RALYL: variants seen among roughly 807,000 people sequenced by gnomAD.
RALYL encodes the protein RNA-binding Raly-like protein.
In RALYL, 29 loss-of-function variants were observed where a neutral mutation model predicts 35.1. The observed-to-expected ratio is 0.83, with a 90% CI of 0.61 to 1.13. The LOEUF is 1.13. Ranked by LOEUF, RALYL falls within the 50% of genes most tolerant of loss-of-function variation. The pLI, the probability that RALYL is intolerant of heterozygous loss-of-function variation, is 0.00. For synonymous variants in RALYL, 120 were observed against 127.6 expected, an observed-to-expected ratio of 0.94 and a Z score of 0.40; for missense variants, 359 against 360.4, an observed-to-expected ratio of 1.00 and a Z score of 0.03.
intron 1 of RALYL, among the ~76,000 whole-genome samples, chr8:84,479,085 CAAAAAAAAAAAAAAAAAAAAAA>C (rs56799862): frequency 0.016 from 348 of 21,838 alleles, 6 homozygotes; most frequent in African/African-American, 0.034. Flanking sequence ...GACTCCGTCT[CAAAAAAAAAAAAAAAAAAAAAA>C]AAAAAAAAAA....
intron 2 of RALYL, among the ~76,000 whole-genome samples, chr8:84,738,496 G>A (rs1440631205): frequency 1.3e-5 from 2 of 151,914 alleles, no homozygotes; most frequent in South Asian, 2.1e-4. Flanking sequence ...TTGCATCACT[G>A]GCAGAAATAC....
chr8:84,310,555 A>C (rs1049140892), intron 1 of RALYL, among the ~76,000 whole-genome samples: 9 of 152,152 alleles, frequency 5.9e-5, no homozygotes, highest in East Asian at 1.9e-4. Flanking sequence ...TAAAGGCAGG[A>C]AGGAAGGAAG....
At chr8:84,891,310 T>C (rs1020342212) in intron 8 of RALYL, among the ~76,000 whole-genome samples, 1 of 152,206 alleles carries the variant, frequency 6.6e-6, no homozygotes. Context: ...ATCAGTCCAA[T>C]TGAACTACCT....
At chr8:84,848,403 A>G (rs1241811381) in intron 4 of RALYL, among the ~76,000 whole-genome samples, 3 of 149,696 alleles carry the variant, frequency 2.0e-5, no homozygotes, top group East Asian at 1.9e-4. Flanking sequence ...GTGTGCATAT[A>G]TATATGTGTG....
intron 1 of RALYL, among the ~76,000 whole-genome samples, chr8:84,523,175 G>A (rs1347452929): frequency 6.6e-6 from 1 of 152,174 alleles, no homozygotes; most frequent in African/African-American, 2.4e-5. Context: ...TGGACTCGCA[G>A]TTCCACATGG....
At chr8:84,584,629 T>A (rs1811588578) in intron 2 of RALYL, among the ~76,000 whole-genome samples, 2 of 151,870 alleles carry the variant, frequency 1.3e-5, no homozygotes, top group Non-Finnish European at 2.9e-5. Flanking sequence ...GATGATTTAA[T>A]AGCTATAACA....
chr8:84,341,067 T>C (rs571630753), intron 1 of RALYL, among the ~76,000 whole-genome samples: 5 of 152,128 alleles, frequency 3.3e-5, no homozygotes, highest in African/African-American at 1.2e-4. Context: ...TGATTAGTGG[T>C]ATGGAGCATC....
chr8:84,695,018 A>G (rs1269555965), intron 2 of RALYL, among the ~76,000 whole-genome samples: 1 of 151,820 alleles, frequency 6.6e-6, no homozygotes, highest in Non-Finnish European at 1.5e-5. Flanking sequence ...TGGTATGAAA[A>G]TATGAAGTAT....
chr8:84,623,325 T>G (rs1345639523), intron 2 of RALYL, among the ~76,000 whole-genome samples: 1 of 152,196 alleles, frequency 6.6e-6, no homozygotes, highest in Admixed American at 6.5e-5. Flanking sequence ...TTTGATCCAG[T>G]TCACCGCATA....
intron 2 of RALYL, among the ~76,000 whole-genome samples, chr8:84,740,551 C>T (rs376306681): frequency 6.6e-4 from 100 of 152,094 alleles, no homozygotes; most frequent in African/African-American, 2.4e-3. Context: ...GATCTACCTT[C>T]TGAAAGTTTT....
At chr8:84,476,721 C>G (rs2133810725) in intron 1 of RALYL, among the ~76,000 whole-genome samples, 1 of 152,298 alleles carries the variant, frequency 6.6e-6, no homozygotes, top group Middle Eastern at 3.4e-3. Flanking sequence ...TTATTATGCT[C>G]TCCCAGGCTT....
chr8:84,774,445 A>G, intron 2 of RALYL, 134 bp from the exon 3 acceptor site: 1 of 641,748 alleles, frequency 1.6e-6, no homozygotes, highest in South Asian at 2.0e-5. Flanking sequence ...CTCAATAAAC[A>G]TATGTTGAAT....
chr8:84,862,313 G>T lies in RALYL; in HGVS notation c.431G>T (p.Gly144Val), dbSNP rs2135058856. Reference protein sequence around the residue: ...DFYNRLFDYHGRVPPPPRAVI... With the variant: ...DFYNRLFDYHVRVPPPPRAVI... ...TTGTAAAGGTTATTTGATTACCACG[G>T]GCGTGTGCCTCCACCTCCCCGTGCA... Residue 144 changes from glycine (G) to valine (V), a missense_variant, in exon 6 of 9, where the codon GGG (glycine) becomes GTG (valine). Coordinates refer to ENST00000521268, the MANE Select transcript of RALYL (RefSeq NM_173848.7). 6.3e-7 allele frequency: 1 copy of T among 1,586,284 alleles called. No individual in the cohort carries two copies.
chr8:84,230,403 A>G (rs1825051183), intron 1 of RALYL, among the ~76,000 whole-genome samples: 1 of 152,160 alleles, frequency 6.6e-6, no homozygotes, highest in Non-Finnish European at 1.5e-5. Context: ...ATGGATGACA[A>G]AAATAAACAA....
chr8:84,722,615 T>TATATATATATATATA (rs1844141110), intron 2 of RALYL, among the ~76,000 whole-genome samples: 1 of 65,666 alleles, frequency 1.5e-5, no homozygotes, highest in African/African-American at 9.4e-5. Context: ...CCTAGAGTGA[T>TATATATATATATATA]TTTATATATA....
chr8:84,814,590 T>G (rs980671796), intron 4 of RALYL, among the ~76,000 whole-genome samples: 1 of 152,172 alleles, frequency 6.6e-6, no homozygotes, highest in Non-Finnish European at 1.5e-5. Flanking sequence ...ATAAAATTGT[T>G]TGGTCACAAC....
chr8:84,553,444 A>G (rs574924864), intron 2 of RALYL, among the ~76,000 whole-genome samples: 1 of 152,198 alleles, frequency 6.6e-6, no homozygotes, highest in Non-Finnish European at 1.5e-5. Context: ...GGTGTGAGCC[A>G]CTGTCCCCAG....
intron 2 of RALYL, among the ~76,000 whole-genome samples, chr8:84,699,834 G>T (rs185004432): frequency 7.5e-4 from 114 of 152,186 alleles, no homozygotes; most frequent in African/African-American, 2.6e-3. Flanking sequence ...TTAGGTTCAG[G>T]ATTATTTTAC....
chr8:84,910,478 G>A (rs1190985547), intron 8 of RALYL, among the ~76,000 whole-genome samples: 2 of 152,026 alleles, frequency 1.3e-5, no homozygotes, highest in Admixed American at 1.3e-4. Flanking sequence ...GGTGTCATAT[G>A]TTATTATGTC....
Sources: allele counts gnomAD v4.1 joint callset (sites outside exome capture counted in the v4.1 genomes callset), GRCh38; gene constraint gnomAD v4.1.1; transcripts MANE v1.5; gene names NCBI Gene and HGNC (gene_info 2026-07-23, HGNC 2026-07-21).